Variants in PDE1C observed in about 807,000 individuals in gnomAD.
The protein encoded by PDE1C is phosphodiesterase 1C, also known as dual specificity calcium/calmodulin-dependent 3',5'-cyclic nucleotide phosphodiesterase 1C.
In PDE1C, 62 loss-of-function variants were observed where a neutral mutation model predicts 93.1. The observed-to-expected ratio is 0.67, with a 90% CI of 0.54 to 0.82. PDE1C has a LOEUF of 0.82. PDE1C is among the 40% of genes least tolerant of loss of function. The pLI, the probability that PDE1C is intolerant of heterozygous loss-of-function variation, is 0.00. For synonymous variants in PDE1C, 325 were observed against 310.1 expected (o/e 1.05, Z -0.50); for missense variants, 742 against 884.6 (o/e 0.84, Z 2.04).
intron 5 of PDE1C, among the ~76,000 whole-genome samples, chr7:31,875,796 T>C (rs935801949): frequency 7.0e-5 from 3 of 43,010 alleles, no homozygotes; most frequent in African/African-American, 3.2e-4. Flanking sequence ...CTTACATCTA[T>C]ATATATATAT....
intron 7 of PDE1C, among the ~76,000 whole-genome samples, chr7:31,861,480 C>A (rs6949745): frequency 0.078 from 11,803 of 152,012 alleles, 581 homozygotes; most frequent in Middle Eastern, 0.14. Flanking sequence ...TGCTTGGCCT[C>A]TGTAAATGGA....
chr7:31,993,316 A>T (rs1238541907), intron 2 of PDE1C, among the ~76,000 whole-genome samples: 1 of 152,190 alleles, frequency 6.6e-6, no homozygotes, highest in Non-Finnish European at 1.5e-5. Context: ...GTTGGCTTAA[A>T]GATGTTTGGA....
intron 2 of PDE1C, among the ~76,000 whole-genome samples, chr7:32,185,907 A>C (rs1234168443): frequency 6.6e-6 from 1 of 152,202 alleles, no homozygotes; most frequent in African/African-American, 2.4e-5. Flanking sequence ...AGCAAGTTTC[A>C]CTGGACCGTG....
upstream of PDE1C, among the ~76,000 whole-genome samples, chr7:32,072,866 G>C (rs1356809451): frequency 6.6e-6 from 1 of 152,108 alleles, no homozygotes; most frequent in Non-Finnish European, 1.5e-5. Context: ...CCCTCACAGA[G>C]TCCCATTTTC....
chr7:32,097,358 G>A (rs1214777058), intron 3 of PDE1C, among the ~76,000 whole-genome samples: 1 of 152,194 alleles, frequency 6.6e-6, no homozygotes, highest in Non-Finnish European at 1.5e-5. Context: ...GTAAATCTGG[G>A]ATTTGGGGCT....
intron 3 of PDE1C, among the ~76,000 whole-genome samples, chr7:32,155,821 G>T (rs1031605016): frequency 6.6e-6 from 1 of 152,226 alleles, no homozygotes; most frequent in South Asian, 2.1e-4. Context: ...CAGGCAAGGG[G>T]TGTAACTGGG....
At chr7:31,936,585 T>C (rs998383496) in intron 2 of PDE1C, among the ~76,000 whole-genome samples, 3 of 152,118 alleles carry the variant, frequency 2.0e-5, no homozygotes, top group Non-Finnish European at 4.4e-5. Context: ...CATGATGATA[T>C]CAAACAGGAC....
At chr7:31,780,770 C>T (rs1783345637) in intron 16 of PDE1C, among the ~76,000 whole-genome samples, 1 of 149,706 alleles carries the variant, frequency 6.7e-6, no homozygotes. Context: ...TGTGTATGTG[C>T]ATGTGCGCAT....
the PDE1C span, chr7:31,643,259 A>G: frequency 1.9e-6 from 3 of 1,613,738 alleles, no homozygotes; most frequent in South Asian, 1.1e-5. Context: ...CCTCACACCA[A>G]CCACAGCTTA....
chr7:31,935,262 A>G (rs1431335177), intron 2 of PDE1C, among the ~76,000 whole-genome samples: 2 of 152,144 alleles, frequency 1.3e-5, no homozygotes, highest in Non-Finnish European at 2.9e-5. Context: ...GTTCAACTGA[A>G]ATCAGTGCTT....
chr7:32,142,238 G>T (rs1298945812), intron 3 of PDE1C, among the ~76,000 whole-genome samples: 1 of 152,136 alleles, frequency 6.6e-6, no homozygotes, highest in Non-Finnish European at 1.5e-5. Flanking sequence ...AGGAAGAGGG[G>T]AGAAGGGGGA....
chr7:32,339,251 AT>A (rs1278865717), intron 1 of PDE1C, among the ~76,000 whole-genome samples: 1 of 152,214 alleles, frequency 6.6e-6, no homozygotes, highest in South Asian at 2.1e-4. Context: ...GTTTAAAAAA[AT>A]TTAAAAGTCA....
intron 2 of PDE1C, among the ~76,000 whole-genome samples, chr7:31,956,856 G>A (rs1808221888): frequency 6.6e-6 from 1 of 152,008 alleles, no homozygotes; most frequent in Non-Finnish European, 1.5e-5. Flanking sequence ...AGAAACAGGA[G>A]GACCAATTTA....
intron 1 of PDE1C, among the ~76,000 whole-genome samples, chr7:32,414,941 G>A (rs1785242339): frequency 6.6e-6 from 1 of 152,038 alleles, no homozygotes; most frequent in South Asian, 2.1e-4. Flanking sequence ...TATTTAAATA[G>A]ATGTAACAAA....
At position 32,001,844 on chromosome 7, in the gene PDE1C, G is replaced by A. The variant is rs186941086; in HGVS notation, c.128+49710C>T. On this transcript the variant is annotated intron_variant, in intron 2 of 17. Transcript: ENST00000396191. ...GGAGGCCAAGGCAGGTGGATTGCTTGAGGTCAGGAGTTTGAGACCAGTCTG... is the reference window on the plus strand; with the variant it reads ...GGAGGCCAAGGCAGGTGGATTGCTTAAGGTCAGGAGTTTGAGACCAGTCTG... Among the ~76,000 whole-genome samples, 12 of 152,296 alleles carry A rather than the reference G, an allele frequency of 7.9e-5. No individual in the cohort carries two copies. The East Asian group carries it at 2.3e-3, about 29-fold the overall frequency.
chr7:32,027,438 T>C (rs1039332356), intron 2 of PDE1C, among the ~76,000 whole-genome samples: 3 of 151,974 alleles, frequency 2.0e-5, no homozygotes, highest in Non-Finnish European at 4.4e-5. Context: ...GGGTTTCTGT[T>C]TGTTTGTGCT....
chr7:31,816,185 G>A, intron 14 of PDE1C, 31 bp from the exon 15 acceptor site: 2 of 1,595,990 alleles, frequency 1.3e-6, no homozygotes, highest in Non-Finnish European at 1.7e-6. Context: ...GAAAGCCACA[G>A]AAAAGAGAAA....
chr7:32,377,423 A>G (rs1013739513), intron 1 of PDE1C, among the ~76,000 whole-genome samples: 1 of 152,170 alleles, frequency 6.6e-6, no homozygotes, highest in African/African-American at 2.4e-5. Context: ...CCTATTAGCT[A>G]TTTTTAAGTA....
At chr7:31,668,657 G>T in the PDE1C span, among the ~76,000 whole-genome samples, 2 of 152,266 alleles carry the variant, frequency 1.3e-5, no homozygotes, top group East Asian at 1.9e-4. Context: ...TGGCTTAGCG[G>T]TTGTCTACGG....
Sources: allele counts gnomAD v4.1 joint callset (sites outside exome capture counted in the v4.1 genomes callset), GRCh38; gene constraint gnomAD v4.1.1; transcripts MANE v1.5; gene names NCBI Gene and HGNC (gene_info 2026-07-23, HGNC 2026-07-21).